Variants in BCKDHB observed in about 807,000 individuals in gnomAD.
BCKDHB encodes the protein branched chain keto acid dehydrogenase E1 subunit beta, also known as 2-oxoisovalerate dehydrogenase subunit beta, mitochondrial.
Under a neutral mutation model 48.5 loss-of-function variants are expected in BCKDHB, and 41 were observed. The observed-to-expected ratio is 0.85, with a 90% CI of 0.66 to 1.10. The LOEUF (loss-of-function observed/expected upper bound fraction) is 1.10, where lower values mean the gene tolerates loss of function less well. Ranked by LOEUF, BCKDHB falls within the 50% of genes least tolerant of loss-of-function variation. The pLI is 0.00. For missense variants in BCKDHB, 496 were observed against 494.2 expected, an observed-to-expected ratio of 1.00 and a Z score of -0.03; for synonymous variants, 201 against 174.8, an observed-to-expected ratio of 1.15 and a Z score of -1.18.
intron 3 of BCKDHB, among the ~76,000 whole-genome samples, chr6:80,149,409 G>C (rs1331080895): frequency 6.6e-6 from 1 of 152,176 alleles, no homozygotes; most frequent in African/African-American, 2.4e-5. Flanking sequence ...AAGACAGTGT[G>C]GCGATTCCTC....
chr6:80,458,606 A>G, the BCKDHB span, among the ~76,000 whole-genome samples: 2 of 152,322 alleles, frequency 1.3e-5, no homozygotes, highest in Non-Finnish European at 2.9e-5. Flanking sequence ...TGTATCAAGC[A>G]TGTGTAATAG....
At chr6:80,244,540 C>G (rs1431048559) in intron 8 of BCKDHB, among the ~76,000 whole-genome samples, 1 of 152,090 alleles carries the variant, frequency 6.6e-6, no homozygotes, top group Non-Finnish European at 1.5e-5. Flanking sequence ...AAATAAAGAA[C>G]AGAACTGTTG....
At position 80,236,323 on chromosome 6, in the gene BCKDHB, A is replaced by C. The variant is rs1336027839; in HGVS notation, c.951+33111A>C. ...GCTGTTTTATACAATTTTGTATTTA[A>C]CAGGTAATAGACTTTTAGGTGATCA... On this transcript the variant is annotated intron_variant, in intron 8 of 9. Coordinates refer to ENST00000320393, the MANE Select transcript of BCKDHB (RefSeq NM_183050.4). Among the ~76,000 whole-genome samples, 3 of 152,224 alleles carry C rather than the reference A, an allele frequency of 2.0e-5. No homozygotes were observed. The East Asian group carries it at 5.8e-4, about 29-fold the overall frequency.
At chr6:80,403,615 G>T in the BCKDHB span, among the ~76,000 whole-genome samples, 2,440 of 151,918 alleles carry the variant, frequency 0.016, 76 homozygotes, top group African/African-American at 0.055. Flanking sequence ...CCAGTACCAT[G>T]TTGAATAGAA....
At chr6:80,141,213 G>A (rs1206933065) in intron 3 of BCKDHB, among the ~76,000 whole-genome samples, 1 of 151,376 alleles carries the variant, frequency 6.6e-6, no homozygotes, top group Non-Finnish European at 1.5e-5. Flanking sequence ...TATTAGTCTT[G>A]CTAGCGGTCT....
intron 8 of BCKDHB, among the ~76,000 whole-genome samples, chr6:80,210,577 A>G (rs1329384676): frequency 6.6e-6 from 1 of 152,124 alleles, no homozygotes; most frequent in African/African-American, 2.4e-5. Context: ...TTAAACTTGA[A>G]CAAAATTTTT....
chr6:80,410,692 TG>T, the BCKDHB span, among the ~76,000 whole-genome samples: 1 of 152,226 alleles, frequency 6.6e-6, no homozygotes, highest in African/African-American at 2.4e-5. Context: ...TTCATTAATT[TG>T]ATCTTCAATC....
the BCKDHB span, among the ~76,000 whole-genome samples, chr6:80,451,754 G>C: frequency 6.6e-6 from 1 of 151,500 alleles, no homozygotes; most frequent in Admixed American, 6.6e-5. Context: ...AAAAGAAAGT[G>C]ACATTATTTA....
At chr6:80,281,600 TGACTTTCAAGGA>T (rs953607526) in intron 9 of BCKDHB, among the ~76,000 whole-genome samples, 4 of 152,126 alleles carry the variant, frequency 2.6e-5, no homozygotes, top group Admixed American at 2.6e-4. Context: ...TCAAGAAACT[TGACTTTCAAGGA>T]AAGGAGAGGA....
At chr6:80,448,258 T>C in the BCKDHB span, among the ~76,000 whole-genome samples, 2 of 152,206 alleles carry the variant, frequency 1.3e-5, no homozygotes, top group East Asian at 1.9e-4. Context: ...ACAGGAAAAG[T>C]GGTGGAAGAT....
the BCKDHB span, among the ~76,000 whole-genome samples, chr6:80,372,381 A>T: frequency 6.6e-6 from 1 of 151,854 alleles, no homozygotes; most frequent in Admixed American, 6.6e-5. Context: ...TTATATGATC[A>T]TATCAGCAGC....
intron 1 of BCKDHB, among the ~76,000 whole-genome samples, chr6:80,125,770 T>G (rs1301884984): frequency 2.0e-5 from 3 of 152,140 alleles, no homozygotes; most frequent in African/African-American, 2.4e-5. Flanking sequence ...CATGGCAGAA[T>G]GTCAGAAGGC....
rs984306602 is a variant in BCKDHB, at chr6:80,134,115, A to G, written c.343+4886A>G. 3.3e-5 allele frequency among the ~76,000 whole-genome samples: 5 copies of G among 152,300 alleles called. No individual in the cohort carries two copies. The East Asian group carries it at 7.7e-4, about 24-fold the overall frequency. On this transcript the variant is annotated intron_variant, in intron 3 of 9. Coordinates refer to ENST00000320393, the MANE Select transcript of BCKDHB (RefSeq NM_183050.4). ...AGGTTTAAGGTATGTTTGTAACATT[A>G]TTCTATACTGATATAACTTGCCTGG...
At chr6:80,204,021 AATAG>A (rs1272946978) in intron 8 of BCKDHB, among the ~76,000 whole-genome samples, 1 of 152,140 alleles carries the variant, frequency 6.6e-6, no homozygotes, top group Admixed American at 6.6e-5. Flanking sequence ...ATGTACGATT[AATAG>A]ATAGATGTAC....
chr6:80,229,051 A>G (rs910061961), intron 8 of BCKDHB, among the ~76,000 whole-genome samples: 12 of 152,132 alleles, frequency 7.9e-5, no homozygotes, highest in African/African-American at 2.4e-4. Context: ...TCTCGTTAAA[A>G]CTGTGTATTC....
chr6:80,315,641 C>T (rs1768410817), intron 9 of BCKDHB, among the ~76,000 whole-genome samples: 2 of 151,482 alleles, frequency 1.3e-5, no homozygotes, highest in South Asian at 2.1e-4. Context: ...TTTTTAGAGA[C>T]AGGATCTTGC....
chr6:80,455,168 G>A, the BCKDHB span, among the ~76,000 whole-genome samples: 1 of 152,140 alleles, frequency 6.6e-6, no homozygotes, highest in Non-Finnish European at 1.5e-5. Flanking sequence ...TGTGGGAAGT[G>A]AGAGAGGAAG....
At chr6:80,430,358 C>G in the BCKDHB span, among the ~76,000 whole-genome samples, 3 of 152,116 alleles carry the variant, frequency 2.0e-5, no homozygotes, top group Admixed American at 1.3e-4. Flanking sequence ...GGCTTGGTAT[C>G]AGGATGATGC....
intron 6 of BCKDHB, among the ~76,000 whole-genome samples, chr6:80,183,252 A>G (rs1013988664): frequency 6.6e-5 from 10 of 152,154 alleles, no homozygotes; most frequent in African/African-American, 2.4e-4. Flanking sequence ...ATGAAAAACT[A>G]TGGAAGGATA....
Sources: gnomAD v4.1 joint callset for allele counts (sites outside exome capture counted in the v4.1 genomes callset) on GRCh38, gnomAD v4.1.1 for gene constraint, MANE v1.5 for transcripts, NCBI Gene and HGNC (gene_info 2026-07-23, HGNC 2026-07-21) for gene names.